OR2V2: variants seen among roughly 807,000 people sequenced by gnomAD.
OR2V2 encodes olfactory receptor family 2 subfamily V member 2, also known as olfactory receptor 2V2.
For synonymous variants in OR2V2, 161 were observed against 151.3 expected (o/e 1.06, Z -0.47); for missense variants, 392 against 392.2 (o/e 1.00, Z 0.00).
At chr5:181,149,516 G>A (rs1425596583) in intron 1 of OR2V2, among the ~76,000 whole-genome samples, 1 of 152,230 alleles carries the variant, frequency 6.6e-6, no homozygotes, top group Non-Finnish European at 1.5e-5. Context: ...GTTCAAAGAA[G>A]CCATCCCGGA....
chr5:181,155,169 G>A lies in OR2V2; in HGVS notation c.227G>A (p.Cys76Tyr). 2 of 1,614,182 alleles carry A rather than the reference G, an allele frequency of 1.2e-6. No homozygotes were observed. Among genetic ancestry groups the A allele is most frequent in the Non-Finnish European group, 1.7e-6 (2 of 1,180,040 alleles). The change falls in exon 2 of 2, where the codon TGT (cysteine) becomes TAT (tyrosine). Residue 76 changes from cysteine to tyrosine, a missense_variant. Coordinates refer to ENST00000641492, the MANE Select transcript of OR2V2 (RefSeq NM_206880.2). The stretch of plus-strand genomic sequence containing the variant: ...TCCCTCATGGACCTCATGTTGGTCT[G>A]TACCAATGTGCCAAAGATGGCAGCC... ...QLSLMDLMLV[C>Y]TNVPKMAANF...
At position 181,155,968 on chromosome 5, in the gene OR2V2, C is replaced by A; in HGVS notation, c.*78C>A. On this transcript the variant is annotated 3_prime_UTR_variant, in exon 2 of 2. Coordinates refer to ENST00000641492, the MANE Select transcript of OR2V2 (RefSeq NM_206880.2). ...GGTTAATAATTCTCTCATTTTCAGT[C>A]TTGGTTTCCTCGTGAATTATGATGA... is the stretch of plus-strand genomic sequence containing the variant. 1 of 1,357,732 alleles carries A rather than the reference C, an allele frequency of 7.4e-7. No individual in the cohort carries two copies. Among genetic ancestry groups the A allele is most frequent in the Non-Finnish European group, 1.0e-6 (1 of 996,810 alleles). The allele number at this position is 1,357,732 out of a possible 1,614,324, so 84.1% of individuals were successfully genotyped here. A position where few individuals can be genotyped will look rare whatever the true frequency, so the allele number is the denominator to read the frequency against.
intron 1 of OR2V2, among the ~76,000 whole-genome samples, chr5:181,151,511 G>GA: frequency 6.6e-6 from 1 of 152,334 alleles, no homozygotes; most frequent in East Asian, 1.9e-4. Flanking sequence ...CATGGGAAGG[G>GA]ATCGTCTGGT....
At position 181,157,519 on chromosome 5, in the gene OR2V2, G is replaced by T. The variant is rs143444933; in HGVS notation, c.*1629G>T. On this transcript the variant is annotated 3_prime_UTR_variant, in exon 2 of 2. Coordinates refer to ENST00000641492, the MANE Select transcript of OR2V2 (RefSeq NM_206880.2). ...TCGGAGGAGGCTCCTTCCCTTGGGG[G>T]TTTAATTGCCTGAAAAGGTGTCTCC... 1 of 152,238 alleles carries T rather than the reference G, an allele frequency of 6.6e-6. No homozygotes were observed. Among genetic ancestry groups the T allele is most frequent in the African/African-American group, 2.4e-5 (1 of 41,450 alleles). 9.4% of individuals were successfully genotyped at this position (152,238 alleles called of 1,614,324 possible). A position where few individuals can be genotyped will look rare whatever the true frequency, so the allele number is the denominator to read the frequency against.
rs140751269 is a variant in OR2V2 at position 181,150,520 on chromosome 5, C to T, written c.-25+2525C>T. ...CAGTAAAGGGGAAATCCTCTGCTTTCGGAACATGGAAACTGCAGCTGCATT... is the reference window on the plus strand; with the variant it reads ...CAGTAAAGGGGAAATCCTCTGCTTTTGGAACATGGAAACTGCAGCTGCATT... On this transcript the variant is annotated intron_variant, in intron 1 of 1. Coordinates refer to ENST00000641492, the MANE Select transcript of OR2V2 (RefSeq NM_206880.2). 6.6e-5 allele frequency among the ~76,000 whole-genome samples: 10 copies of T among 152,258 alleles called. No homozygotes were observed. The East Asian group carries it at 9.7e-4, about 15-fold the overall frequency.
intron 1 of OR2V2, among the ~76,000 whole-genome samples, chr5:181,151,907 T>C (rs973749235): frequency 6.8e-6 from 1 of 146,514 alleles, no homozygotes; most frequent in Non-Finnish European, 1.5e-5. Context: ...ATCTCTTGAG[T>C]CAAAGAGCTC....
At chr5:181,150,790 A>T (rs574024489) in intron 1 of OR2V2, among the ~76,000 whole-genome samples, 12 of 152,196 alleles carry the variant, frequency 7.9e-5, no homozygotes, top group Admixed American at 5.9e-4. Flanking sequence ...AGCCTGGGAA[A>T]CATAAGGAGA....
chr5:181,155,893 C>T lies in OR2V2; in HGVS notation c.*3C>T. Reference sequence around the variant, plus strand: ...GCAGGATCGGCAGCCAGCACTGAACCCAGGGCATCCAGTGCCTGGCTCTGC... The same window carrying T: ...GCAGGATCGGCAGCCAGCACTGAACTCAGGGCATCCAGTGCCTGGCTCTGC... On this transcript the variant is annotated 3_prime_UTR_variant, in exon 2 of 2. Transcript: ENST00000641492. The T allele has an allele frequency of 1.9e-6, 3 of 1,604,870 alleles. No individual in the cohort carries two copies. Among genetic ancestry groups the T allele is most frequent in the African/African-American group, 1.3e-5 (1 of 74,852 alleles).
rs765132830 is a variant in OR2V2 at position 181,155,107 on chromosome 5, C to A, written c.165C>A (p.His55Gln). The change falls in exon 2 of 2, where the codon CAC becomes CAA. Residue 55 changes from histidine (H) to glutamine (Q), a missense_variant. Transcript: ENST00000641492. ...LLIFLIYMDP[H>Q]LHTPMYFFLS... ...TCTTCCTCATCTACATGGACCCTCACCTTCACACCCCCATGTACTTCTTCC... is the reference window on the plus strand; with the variant it reads ...TCTTCCTCATCTACATGGACCCTCAACTTCACACCCCCATGTACTTCTTCC... 186 of 1,613,974 alleles carry A rather than the reference C, an allele frequency of 1.2e-4. 1 individual carries two copies. The African/African-American group carries it at 2.2e-3, about 19-fold the overall frequency.
Position 181,157,512 on chromosome 5 carries a change from C to G in OR2V2, c.*1622C>G, listed in dbSNP as rs547519834. 2.0e-5 allele frequency: 3 copies of G among 152,244 alleles called. No homozygotes were observed. Among genetic ancestry groups the G allele is most frequent in the Non-Finnish European group, 4.4e-5 (3 of 68,048 alleles). The allele number at this position is 152,244 out of a possible 1,614,324, so 9.4% of individuals were successfully genotyped here. Reference sequence around the variant, plus strand: ...AACAACTTCGGAGGAGGCTCCTTCCCTTGGGGGTTTAATTGCCTGAAAAGG... The same window carrying G: ...AACAACTTCGGAGGAGGCTCCTTCCGTTGGGGGTTTAATTGCCTGAAAAGG... On this transcript the variant is annotated 3_prime_UTR_variant, in exon 2 of 2. Transcript: ENST00000641492.
intron 1 of OR2V2, among the ~76,000 whole-genome samples, chr5:181,154,174 A>G (rs1345535221): frequency 6.6e-6 from 1 of 152,172 alleles, no homozygotes; most frequent in Non-Finnish European, 1.5e-5. Flanking sequence ...GAGACTCCAG[A>G]CTGAGGAGCA....
intron 1 of OR2V2, among the ~76,000 whole-genome samples, chr5:181,150,134 C>T (rs867801396): frequency 2.0e-5 from 3 of 152,218 alleles, no homozygotes; most frequent in African/African-American, 4.8e-5. Context: ...CCACATCATA[C>T]GTAGGTGTTG....
chr5:181,151,117 C>T (rs185623926), intron 1 of OR2V2, among the ~76,000 whole-genome samples: 1 of 152,006 alleles, frequency 6.6e-6, no homozygotes, highest in Non-Finnish European at 1.5e-5. Context: ...GTGGGGGAGA[C>T]CTGAAGGAGG....
At chr5:181,150,813 C>CA (rs1239239955) in intron 1 of OR2V2, among the ~76,000 whole-genome samples, 1 of 152,016 alleles carries the variant, frequency 6.6e-6, no homozygotes, top group African/African-American at 2.4e-5. Context: ...CCCATCGCCA[C>CA]AAAAAATTAA....
At position 181,147,775 on chromosome 5, in the gene OR2V2, C is replaced by A; in HGVS notation, c.-245C>A. 3 of 387,278 alleles carry A rather than the reference C, an allele frequency of 7.7e-6. No homozygotes were observed. The highest frequency in any genetic ancestry group is 1.4e-5 in the Non-Finnish European group (3 of 219,568). 24.0% of individuals were successfully genotyped at this position (387,278 alleles called of 1,614,324 possible). ...GAGGCTGTGGTCTGTGTGAGCCTCG[C>A]TCTCTGAGCCTGAGGGGCCACTGGA... On this transcript the variant is annotated 5_prime_UTR_variant, in exon 1 of 2. Coordinates refer to ENST00000641492, the MANE Select transcript of OR2V2 (RefSeq NM_206880.2).
intron 1 of OR2V2, among the ~76,000 whole-genome samples, chr5:181,148,695 G>C (rs1033547334): frequency 2.0e-5 from 3 of 152,232 alleles, no homozygotes; most frequent in Non-Finnish European, 4.4e-5. Context: ...GCAGGAGAAA[G>C]TGTCTTCGTG....
intron 1 of OR2V2, among the ~76,000 whole-genome samples, 167 bp from the exon 2 acceptor site, chr5:181,154,752 G>T (rs149522621): frequency 2.0e-5 from 3 of 152,254 alleles, no homozygotes; most frequent in African/African-American, 7.2e-5. Flanking sequence ...GAGCCAGGAG[G>T]GCCCCCACCG....
chr5:181,154,326 A>T (rs973148889), intron 1 of OR2V2, among the ~76,000 whole-genome samples: 2 of 152,146 alleles, frequency 1.3e-5, no homozygotes, highest in Non-Finnish European at 2.9e-5. Flanking sequence ...GCGGTGGCTC[A>T]CACCTGTAAT....
chr5:181,154,486 A>G lies in OR2V2; in HGVS notation c.-24-433A>G, dbSNP rs923138661. On this transcript the variant is annotated intron_variant, in intron 1 of 1. Transcript: ENST00000641492. ...GCGCCTGTAGTCCCAGCTACTCGGG[A>G]GGCTGAGGCAGGAGAATGGCGTGAA... 5.3e-5 allele frequency among the ~76,000 whole-genome samples: 8 copies of G among 150,936 alleles called. No individual in the cohort carries two copies. In the East Asian group the frequency reaches 1.4e-3, roughly 26 times the overall value.
Sources: allele counts gnomAD v4.1 joint callset (sites outside exome capture counted in the v4.1 genomes callset), GRCh38; gene constraint gnomAD v4.1.1; transcripts MANE v1.5; gene names NCBI Gene and HGNC (gene_info 2026-07-23, HGNC 2026-07-21).